The following RNF19B variants were observed in gnomAD, a reference collection of about 807,000 sequenced individuals.
RNF19B encodes the protein E3 ubiquitin-protein ligase RNF19B.
Under a neutral mutation model 65.5 loss-of-function variants are expected in RNF19B, and 23 were observed. The ratio of observed to expected loss-of-function variants is 0.35; its 90% CI spans 0.25 to 0.50. RNF19B has a LOEUF of 0.50. RNF19B is among the 20% of genes least tolerant of loss of function. The pLI, the probability that RNF19B is intolerant of heterozygous loss-of-function variation, is 0.98. For synonymous variants in RNF19B, 372 were observed against 379.6 expected, an observed-to-expected ratio of 0.98 and a Z score of 0.23; for missense variants, 794 against 980.0, an observed-to-expected ratio of 0.81 and a Z score of 2.53.
chr1:32,944,092 G>A lies in RNF19B; in HGVS notation c.1329C>T (p.Gly443=), dbSNP rs194645. The A allele has an allele frequency of 0.22, 349,355 of 1,612,746 alleles. 40,197 individuals are homozygous for A. The highest frequency in any genetic ancestry group is 0.29 in the Admixed American group (17,089 of 59,818). Residue 443 remains glycine (G), a synonymous_variant, in exon 6 of 9, where the codon GGC becomes GGT. Coordinates refer to ENST00000235150, the MANE Select transcript of RNF19B (RefSeq NM_001300826.2). The part of the protein sequence containing the change: ...GVVPISLCRG[G]GCGVSTANGK... ...CGTTGGCTGTGCTAACTCCACAGCCGCCTCCACGACAAAGAGAAATGGGCA... is the reference window on the plus strand; with the variant it reads ...CGTTGGCTGTGCTAACTCCACAGCCACCTCCACGACAAAGAGAAATGGGCA...
At position 32,942,311 on chromosome 1, in the gene RNF19B, G is replaced by C; in HGVS notation, c.1551C>G (p.Ala517=). ...GPYSETASFA[A]LSGGTLSGGI... is the part of the protein sequence containing the mutation. ...CGCCACTCAGCGTGCCCCCTGAGAG[G>C]GCTGCAAAGCTGGCCGTTTCGCTGT... is the stretch of plus-strand genomic sequence containing the variant. The change falls in exon 7 of 9, where the codon GCC becomes GCG. Residue 517 remains alanine, a synonymous_variant. Transcript: ENST00000235150. 1 of 1,614,038 alleles carries C rather than the reference G, an allele frequency of 6.2e-7. No homozygotes were observed. Among genetic ancestry groups the C allele is most frequent in the African/African-American group, 1.3e-5 (1 of 75,026 alleles).
At chr1:32,933,491 G>C (rs1008668151), downstream of RNF19B, among the ~76,000 whole-genome samples, 7 of 152,092 alleles carry the variant, frequency 4.6e-5, no homozygotes, top group South Asian at 8.3e-4. Flanking sequence ...TCCCGACCTT[G>C]TGAGCCGCCC....
At chr1:32,948,140 G>A (rs774734364) in intron 3 of RNF19B, 82 bp downstream of exon 3, 391 of 1,446,730 alleles carry the variant, frequency 2.7e-4, no homozygotes, top group Non-Finnish European at 3.4e-4. Flanking sequence ...ATGAGAGAAC[G>A]GATGTGTCTT....
chr1:32,949,751 C>T lies in RNF19B; in HGVS notation c.659G>A (p.Cys220Tyr). ...ACAAGTTAGCTTCGGGCAGCTGGCACAGCCATAGGCAATAACAGCATAACT... is the reference window on the plus strand; with the variant it reads ...ACAAGTTAGCTTCGGGCAGCTGGCATAGCCATAGGCAATAACAGCATAACT... Reference protein sequence around the residue: ...DCGYAVIAYGCASCPKLTCER... With the variant: ...DCGYAVIAYGYASCPKLTCER... The change falls in exon 2 of 9, where the codon TGT becomes TAT. Residue 220 changes from cysteine to tyrosine, a missense_variant. By Grantham distance (194) the Cys-to-Tyr change is radical (BLOSUM62 -2). This residue lies in a region of RNF19B where 374 missense variants were observed against 423.8 expected (regional missense o/e 0.88). Coordinates refer to ENST00000235150, the MANE Select transcript of RNF19B (RefSeq NM_001300826.2). 2 of 1,613,822 alleles carry T rather than the reference C, an allele frequency of 1.2e-6. No individual in the cohort carries two copies.
chr1:32,939,042 T>G (rs1227158865), intron 7 of RNF19B, among the ~76,000 whole-genome samples: 1 of 152,216 alleles, frequency 6.6e-6, no homozygotes, highest in Non-Finnish European at 1.5e-5. Flanking sequence ...ACTTTGCACA[T>G]GCTATTCTGT....
intron 6 of RNF19B, 83 bp downstream of exon 6, chr1:32,943,936 C>A: frequency 1.5e-6 from 2 of 1,347,592 alleles, no homozygotes; most frequent in Non-Finnish European, 2.1e-6. Flanking sequence ...CAATGACAAT[C>A]TCCCTGTAAA....
In RNF19B at chr1:32,945,624, T is replaced by C; in HGVS notation, c.1151A>G (p.His384Arg). ...GIPVYVGRKI[H>R]SRYEGRKTSK... ...GGTTTTCCTTCCCTCATACCTGCTG[T>C]GAATCTAAGAATAAAAAAAGAAAAT... Residue 384 changes from histidine (H) to arginine (R), a missense_variant, in exon 5 of 9, where the codon CAC (histidine) becomes CGC (arginine). Physicochemically the swap from His to Arg is conservative, Grantham distance 29. Coordinates refer to ENST00000235150, the MANE Select transcript of RNF19B (RefSeq NM_001300826.2). 1 of 1,595,700 alleles carries C rather than the reference T, an allele frequency of 6.3e-7. No individual in the cohort carries two copies. Among genetic ancestry groups the C allele is most frequent in the Non-Finnish European group, 8.6e-7 (1 of 1,163,526 alleles).
At chr1:32,956,473 T>A (rs1304467079) in intron 1 of RNF19B, among the ~76,000 whole-genome samples, 1 of 151,552 alleles carries the variant, frequency 6.6e-6, no homozygotes, top group African/African-American at 2.4e-5. Context: ...GAGGCTGAGG[T>A]GGGAGGATCA....
At chr1:32,938,221 G>A in intron 8 of RNF19B, 176 bp downstream of exon 8, 23 of 404,184 alleles carry the variant, frequency 5.7e-5, no homozygotes, top group South Asian at 1.5e-4. Flanking sequence ...CTAACAAGAA[G>A]AATCAAGAGA....
At position 32,953,140 on chromosome 1, in the gene RNF19B, A is replaced by AT. The variant is rs564554116; in HGVS notation, c.636-3367dup. Among the ~76,000 whole-genome samples the AT allele has an allele frequency of 3.0e-3, 431 of 145,396 alleles. 5 individuals carry two copies. Among genetic ancestry groups the AT allele is most frequent in the South Asian group, 0.015 (69 of 4,568 alleles). ...AGCTAACTTTTTCTTTTTTCTTTTT[A>AT]TTTTTTTTTTGTAGAGACAGGGTTG... On this transcript the variant is annotated intron_variant, in intron 1 of 8. Transcript: ENST00000235150.
downstream of RNF19B, among the ~76,000 whole-genome samples, chr1:32,935,759 ACT>A (rs1347249854): frequency 4.7e-5 from 7 of 149,518 alleles, no homozygotes; most frequent in African/African-American, 9.8e-5. Flanking sequence ...TTCACTGAGA[ACT>A]CTTTTTTTTT....
rs752025494 is a variant in RNF19B, at chr1:32,937,312, G to A, written c.1743-53C>T. 35 of 1,609,376 alleles carry A rather than the reference G, an allele frequency of 2.2e-5. No homozygotes were observed. The African/African-American group carries it at 4.4e-4, about 20-fold the overall frequency. ...GTCATGCATGGATCATGCTAAACCT[G>A]TTGGTAAAAGCAGTTCATGGGTTCA... On this transcript the variant is annotated intron_variant, in intron 8 of 8. Transcript: ENST00000235150.
Position 32,964,681 on chromosome 1 carries a change from C to A in RNF19B, c.5G>T (p.Gly2Val), listed in dbSNP as rs1348991397. ...CGGCGACTCGGAGTCCTTCTCGGAG[C>A]CCATGGCCGGCAGAGGCCGAGGAGC... Reference protein sequence around the residue: MGSEKDSESPRS... With the variant: MVSEKDSESPRS... The change falls in exon 1 of 9, where the codon GGC becomes GTC. Residue 2 changes from glycine to valine, a missense_variant. By Grantham distance (109) the Gly-to-Val change is moderately radical. Transcript: ENST00000235150. The surrounding 1 kb of genome is among the most constrained non-coding windows in gnomAD (Gnocchi z 6.5). 6.8e-7 allele frequency: 1 copy of A among 1,464,952 alleles called. No individual in the cohort carries two copies. Among genetic ancestry groups the A allele is most frequent in the South Asian group, 1.3e-5 (1 of 77,504 alleles). The allele number at this position is 1,464,952 out of a possible 1,614,324, so 90.7% of individuals were successfully genotyped here. A position where few individuals can be genotyped will look rare whatever the true frequency, so the allele number is the denominator to read the frequency against.
At chr1:32,961,397 G>A (rs1642766528) in intron 1 of RNF19B, among the ~76,000 whole-genome samples, 1 of 152,180 alleles carries the variant, frequency 6.6e-6, no homozygotes, top group Non-Finnish European at 1.5e-5. Flanking sequence ...ATTGGCATTG[G>A]TTGGAATTAA....
intron 5 of RNF19B, 83 bp downstream of exon 5, chr1:32,945,431 T>A: frequency 1.2e-6 from 1 of 802,964 alleles, no homozygotes; most frequent in South Asian, 1.5e-5. Context: ...AATGTAGGAG[T>A]CTTTGAGAAA....
chr1:32,937,504 G>A (rs1040596349), intron 8 of RNF19B, among the ~76,000 whole-genome samples: 1 of 152,130 alleles, frequency 6.6e-6, no homozygotes, highest in African/African-American at 2.4e-5. Context: ...CTGAGTCCAG[G>A]AGTTTGAGAC....
At chr1:32,959,779 T>C (rs1172582928) in intron 1 of RNF19B, among the ~76,000 whole-genome samples, 1 of 151,752 alleles carries the variant, frequency 6.6e-6, no homozygotes, top group Non-Finnish European at 1.5e-5. Flanking sequence ...GGCTCACGCC[T>C]GTAATCCCAG....
chr1:32,963,821 C>T (rs917051045), intron 1 of RNF19B, among the ~76,000 whole-genome samples: 48 of 152,372 alleles, frequency 3.2e-4, no homozygotes, highest in African/African-American at 1.2e-3. Context: ...ACTTGGACAG[C>T]TCCCTTCCCC....
At chr1:32,936,158 T>C (rs1026588818), downstream of RNF19B, among the ~76,000 whole-genome samples, 3 of 152,200 alleles carry the variant, frequency 2.0e-5, no homozygotes, top group African/African-American at 7.2e-5. Flanking sequence ...AAGAGTAAAT[T>C]GCACAGTTGC....
Sources: gnomAD v4.1 joint callset for allele counts (sites outside exome capture counted in the v4.1 genomes callset) on GRCh38, gnomAD v4.1.1 for gene constraint, gnomAD v4.1.1 regional missense constraint, Gnocchi (gnomAD v3.1) non-coding constraint, MANE v1.5 for transcripts, NCBI Gene and HGNC (gene_info 2026-07-23, HGNC 2026-07-21) for gene names.